Variants in PDZRN4 observed in about 807,000 individuals in gnomAD.
PDZRN4 encodes the protein PDZ domain containing ring finger 4, also known as PDZ domain-containing RING finger protein 4.
PDZRN4 carries 70 observed loss-of-function variants against 99.0 expected under a neutral mutation model. The observed-to-expected ratio is 0.71, with a 90% CI of 0.58 to 0.86. PDZRN4 has a LOEUF of 0.86. Among genes scored for constraint, PDZRN4 ranks in the 40% least tolerant of loss-of-function variants. PDZRN4 has a pLI of 0.00. For synonymous variants in PDZRN4, 551 were observed against 501.6 expected (o/e 1.10, Z -1.32); for missense variants, 1,474 against 1,331.2 (o/e 1.11, Z -1.67).
At chr12:41,486,927 C>T (rs535759092) in intron 3 of PDZRN4, among the ~76,000 whole-genome samples, 2 of 152,220 alleles carry the variant, frequency 1.3e-5, no homozygotes, top group African/African-American at 4.8e-5. Context: ...TAGGTTCCAG[C>T]TAGCGGCAGG....
chr12:41,555,245 A>AG (rs1555152875), intron 6 of PDZRN4, among the ~76,000 whole-genome samples: 9 of 45,472 alleles, frequency 2.0e-4, no homozygotes, highest in East Asian at 5.6e-4. Flanking sequence ...AAAAAAAAAA[A>AG]AAAAGAAAAA....
rs754159088 is a variant in PDZRN4, at chr12:41,572,542, T to A, written c.1763T>A (p.Leu588Gln). ...ACATCTTTGAAGAGCAAGAGAGACCTGGGGCAGAGCCAAGACACTCTGGGA... is the reference window on the plus strand; with the variant it reads ...ACATCTTTGAAGAGCAAGAGAGACCAGGGGCAGAGCCAAGACACTCTGGGA... ...NSTSLKSKRD[L>Q]GQSQDTLGSV... Residue 588 changes from leucine to glutamine, a missense_variant, in exon 10 of 10, where the codon CTG (leucine) becomes CAG (glutamine). Coordinates refer to ENST00000402685, the MANE Select transcript of PDZRN4 (RefSeq NM_001164595.2). 6.2e-7 allele frequency: 1 copy of A among 1,613,964 alleles called. No homozygotes were observed. Among genetic ancestry groups the A allele is most frequent in the African/African-American group, 1.3e-5 (1 of 74,914 alleles).
chr12:41,477,087 A>T (rs1007620804), intron 3 of PDZRN4, among the ~76,000 whole-genome samples: 3 of 152,028 alleles, frequency 2.0e-5, no homozygotes, highest in African/African-American at 7.2e-5. Context: ...TCCTAATTAC[A>T]CCTAACTCTC....
intron 3 of PDZRN4, among the ~76,000 whole-genome samples, chr12:41,419,743 A>G (rs1952474478): frequency 6.6e-6 from 1 of 152,174 alleles, no homozygotes; most frequent in African/African-American, 2.4e-5. Context: ...ACTGTCAAGA[A>G]ATAAGAGTCT....
At chr12:41,556,188 C>A (rs529027785) in intron 7 of PDZRN4, among the ~76,000 whole-genome samples, 1 of 152,372 alleles carries the variant, frequency 6.6e-6, no homozygotes, top group Non-Finnish European at 1.5e-5. Flanking sequence ...TTACTAGCAG[C>A]AGCAGTTATT....
intron 3 of PDZRN4, among the ~76,000 whole-genome samples, chr12:41,348,469 G>A (rs75630434): frequency 0.024 from 3,726 of 152,174 alleles, 135 homozygotes; most frequent in African/African-American, 0.084. Context: ...TGTGCTAGTA[G>A]TCATATGTTC....
chr12:41,270,311 G>GT (rs1337960633), intron 3 of PDZRN4, among the ~76,000 whole-genome samples: 24 of 144,992 alleles, frequency 1.7e-4, no homozygotes, highest in Admixed American at 1.3e-3. Context: ...CTGTGTGTGT[G>GT]GTGTGTGTGT....
chr12:41,343,394 C>A (rs975530712), intron 3 of PDZRN4, among the ~76,000 whole-genome samples: 1 of 151,896 alleles, frequency 6.6e-6, no homozygotes, highest in Non-Finnish European at 1.5e-5. Flanking sequence ...TTTCAAGGAA[C>A]CATCTTTTTG....
intron 3 of PDZRN4, among the ~76,000 whole-genome samples, chr12:41,440,602 A>G (rs2733274): frequency 0.51 from 77,422 of 151,914 alleles, 20,211 homozygotes; most frequent in African/African-American, 0.64. Flanking sequence ...AAGACTTTCA[A>G]TTGGCACAAG....
chr12:41,382,938 TA>T (rs1338513934), intron 3 of PDZRN4, among the ~76,000 whole-genome samples: 4 of 152,190 alleles, frequency 2.6e-5, no homozygotes, highest in Non-Finnish European at 4.4e-5. Context: ...CAGACAAAAA[TA>T]AAATGATTCA....
chr12:41,320,198 C>T (rs564708103), intron 3 of PDZRN4, among the ~76,000 whole-genome samples: 7 of 152,222 alleles, frequency 4.6e-5, no homozygotes, highest in East Asian at 1.9e-4. Flanking sequence ...CTGGTGGTCT[C>T]GCCATCCCAC....
intron 5 of PDZRN4, among the ~76,000 whole-genome samples, chr12:41,541,277 C>G (rs1465618431): frequency 6.6e-6 from 1 of 151,796 alleles, no homozygotes; most frequent in Non-Finnish European, 1.5e-5. Context: ...CCCATCTATC[C>G]TACCTCTCAA....
chr12:41,319,041 C>T (rs1259054652), intron 3 of PDZRN4, among the ~76,000 whole-genome samples: 1 of 152,150 alleles, frequency 6.6e-6, no homozygotes, highest in African/African-American at 2.4e-5. Context: ...TTTCTCAGAA[C>T]ATCTGTAACC....
chr12:41,256,688 A>G (rs572821491), intron 3 of PDZRN4, among the ~76,000 whole-genome samples: 4 of 152,310 alleles, frequency 2.6e-5, no homozygotes, highest in African/African-American at 9.6e-5. Flanking sequence ...TGGCTGGATC[A>G]TGACTGTCTC....
At chr12:41,416,005 T>C (rs1952442086) in intron 3 of PDZRN4, among the ~76,000 whole-genome samples, 1 of 152,212 alleles carries the variant, frequency 6.6e-6, no homozygotes, top group Admixed American at 6.5e-5. Context: ...AGCAAAACCA[T>C]ATTTCAGTTT....
At chr12:41,344,701 C>T (rs139162369) in intron 3 of PDZRN4, among the ~76,000 whole-genome samples, 1 of 149,540 alleles carries the variant, frequency 6.7e-6, no homozygotes, top group Admixed American at 6.7e-5. Flanking sequence ...TTTCTGTGCA[C>T]TTTTATAATA....
chr12:41,472,205 G>A (rs111674752), intron 3 of PDZRN4, among the ~76,000 whole-genome samples: 3,670 of 152,184 alleles, frequency 0.024, 146 homozygotes, highest in African/African-American at 0.085. Context: ...GTTTCTCCAT[G>A]TTGGTCAAGC....
chr12:41,258,841 G>C (rs1951219412), intron 3 of PDZRN4, among the ~76,000 whole-genome samples: 2 of 152,096 alleles, frequency 1.3e-5, no homozygotes, highest in South Asian at 4.1e-4. Context: ...AAGGGAAAAA[G>C]GGAATGATGG....
At chr12:41,279,591 C>G (rs1257937897) in intron 3 of PDZRN4, among the ~76,000 whole-genome samples, 1 of 152,138 alleles carries the variant, frequency 6.6e-6, no homozygotes, top group African/African-American at 2.4e-5. Flanking sequence ...AAATAAGTCT[C>G]TGTGTCCTCA....
Sources: gnomAD v4.1 joint callset for allele counts (sites outside exome capture counted in the v4.1 genomes callset) on GRCh38, gnomAD v4.1.1 for gene constraint, MANE v1.5 for transcripts, NCBI Gene and HGNC (gene_info 2026-07-23, HGNC 2026-07-21) for gene names.